Variants in FRMPD4 observed in about 807,000 individuals in gnomAD.
FRMPD4 encodes FERM and PDZ domain-containing protein 4.
In FRMPD4, 22 loss-of-function variants were observed where a neutral mutation model predicts 94.1. The ratio of observed to expected loss-of-function variants is 0.23; its 90% confidence interval spans 0.17 to 0.33. FRMPD4 has a LOEUF of 0.33. FRMPD4 is among the 10% of genes least tolerant of loss of function. FRMPD4 has a pLI of 1.00. For missense variants in FRMPD4, 1,111 were observed against 1,339.9 expected, an observed-to-expected ratio of 0.83 and a Z score of 2.67; for synonymous variants, 631 against 548.6, an observed-to-expected ratio of 1.15 and a Z score of -2.10.
At chrX:12,046,270 A>T (rs1205628551) in intron 3 of FRMPD4, among the ~76,000 whole-genome samples, 1 of 111,279 alleles carries the variant, frequency 9.0e-6, no homozygotes, top group Non-Finnish European at 1.9e-5. Flanking sequence ...TAAAGTTCGA[A>T]ATCAGTAACA....
intron 3 of FRMPD4, among the ~76,000 whole-genome samples, chrX:11,945,591 C>T (rs970273781): frequency 9.0e-6 from 1 of 111,724 alleles, no homozygotes; most frequent in Admixed American, 9.5e-5. Flanking sequence ...ATGGCACCAA[C>T]ATCTGTTCAG....
In FRMPD4 at chrX:12,216,825, C is replaced by G. The variant is rs549846920; in HGVS notation, c.41+77813C>G. On this transcript the variant is annotated intron_variant, in intron 1 of 16. Coordinates refer to ENST00000675598, the MANE Select transcript of FRMPD4 (RefSeq NM_001368397.1). ...TGAGGATTACTCCCAGCCTGAAGCT[C>G]TGTTCCTTAGGTGTGTCTTATTGTA... is the stretch of plus-strand genomic sequence containing the variant. Among the ~76,000 whole-genome samples the G allele has an allele frequency of 8.9e-5, 10 of 112,220 alleles. No homozygotes were observed. The South Asian group carries it at 3.0e-3, about 33-fold the overall frequency.
intron 1 of FRMPD4, among the ~76,000 whole-genome samples, chrX:12,464,668 G>C (rs1334206637): frequency 2.7e-5 from 3 of 111,922 alleles, no homozygotes; most frequent in Non-Finnish European, 5.6e-5. Context: ...ATACATGACG[G>C]CAAGGGCAAG....
At chrX:12,272,771 A>C (rs999144350) in intron 1 of FRMPD4, among the ~76,000 whole-genome samples, 6 of 112,022 alleles carry the variant, frequency 5.4e-5, no homozygotes, top group Admixed American at 4.7e-4. Context: ...ATGAAACAAA[A>C]GCTTAATGAA....
chrX:11,876,089 T>A, intron 2 of FRMPD4, among the ~76,000 whole-genome samples: 1 of 108,628 alleles, frequency 9.2e-6, no homozygotes, highest in Non-Finnish European at 1.9e-5. Flanking sequence ...TTAGCCAGGA[T>A]GGTCTCGTTC....
intron 7 of FRMPD4, among the ~76,000 whole-genome samples, chrX:12,687,194 A>G (rs978650803): frequency 1.1e-4 from 12 of 112,334 alleles, no homozygotes; most frequent in Admixed American, 1.0e-3. Flanking sequence ...TTGAATTGCT[A>G]TAAGTATGTA....
intron 1 of FRMPD4, among the ~76,000 whole-genome samples, chrX:12,412,143 T>C (rs1265762766): frequency 8.9e-6 from 1 of 112,409 alleles, no homozygotes; most frequent in Non-Finnish European, 1.9e-5. Context: ...TTATGTGTGA[T>C]TCAAAAGTAA....
At chrX:12,538,214 C>T (rs139161226) in intron 2 of FRMPD4, among the ~76,000 whole-genome samples, 2,138 of 111,304 alleles carry the variant, frequency 0.019, 25 homozygotes, top group Non-Finnish European at 0.03. Flanking sequence ...CCCATGCCCA[C>T]GGAGCTTCAC....
chrX:12,722,842 A>G lies in FRMPD4; in HGVS notation c.*984A>G, dbSNP rs1224361453. On this transcript the variant is annotated 3_prime_UTR_variant, in exon 17 of 17. Coordinates refer to ENST00000675598, the MANE Select transcript of FRMPD4 (RefSeq NM_001368397.1). Reference sequence around the variant, plus strand: ...TTTAATGATCATCAAAATTAAGTACAGATTCAGTAATGTAGACCAGACCAC... The same window carrying G: ...TTTAATGATCATCAAAATTAAGTACGGATTCAGTAATGTAGACCAGACCAC... 1 of 111,783 alleles carries G rather than the reference A, an allele frequency of 8.9e-6. No individual in the cohort carries two copies. The highest frequency in any genetic ancestry group is 1.9e-5 in the Non-Finnish European group (1 of 53,227). The allele number at this position is 111,783 out of a possible 1,213,427, so 9.2% of individuals were successfully genotyped here.
chrX:12,387,023 T>C (rs1196413022), intron 1 of FRMPD4, among the ~76,000 whole-genome samples: 1 of 112,182 alleles, frequency 8.9e-6, no homozygotes, highest in Non-Finnish European at 1.9e-5. Flanking sequence ...AGAGAAGCTT[T>C]TTTAAATTTT....
intron 2 of FRMPD4, among the ~76,000 whole-genome samples, chrX:12,561,011 CG>C (rs2058654349): frequency 1.8e-5 from 2 of 108,133 alleles, no homozygotes; most frequent in South Asian, 8.2e-4. Context: ...CCTCGTGATC[CG>C]CCCGCCTCGG....
intron 3 of FRMPD4, among the ~76,000 whole-genome samples, chrX:11,908,118 TCAAA>T (rs770837383): frequency 8.9e-6 from 1 of 112,117 alleles, no homozygotes; most frequent in Non-Finnish European, 1.9e-5. Context: ...GAAACTGTGC[TCAAA>T]CAATTTATGC....
chrX:12,324,974 A>G (rs1170208588), intron 1 of FRMPD4, among the ~76,000 whole-genome samples: 1 of 112,276 alleles, frequency 8.9e-6, no homozygotes, highest in African/African-American at 3.2e-5. Flanking sequence ...TGTCAAAGCT[A>G]TAAACTCTTA....
At chrX:12,167,588 GC>G (rs2056142942) in intron 1 of FRMPD4, among the ~76,000 whole-genome samples, 1 of 111,502 alleles carries the variant, frequency 9.0e-6, no homozygotes, top group Admixed American at 9.5e-5. Flanking sequence ...TTTTCCTCAG[GC>G]TTTTAATGAC....
At chrX:12,418,350 C>CTTTTTTTTTTTTTTTTTTTTTTTTT (rs540740432) in intron 1 of FRMPD4, among the ~76,000 whole-genome samples, 1 of 81,077 alleles carries the variant, frequency 1.2e-5, no homozygotes. Flanking sequence ...GTGTTTCTTT[C>CTTTTTTTTTTTTTTTTTTTTTTTTT]TTTTTTTTTT....
intron 4 of FRMPD4, among the ~76,000 whole-genome samples, chrX:12,632,396 T>G (rs992924907): frequency 8.9e-6 from 1 of 111,842 alleles, no homozygotes; most frequent in African/African-American, 3.3e-5. Flanking sequence ...TGTGACCCCA[T>G]CCACTAATCC....
intron 16 of FRMPD4, 70 bp from the exon 17 acceptor site, chrX:12,720,464 G>A (rs1186672336): frequency 6.6e-6 from 7 of 1,053,036 alleles, no homozygotes; most frequent in Admixed American, 4.4e-5. Context: ...ATCATGTAGA[G>A]ATGTAGTAAA....
chrX:11,907,569 T>C (rs1418790777), intron 3 of FRMPD4, among the ~76,000 whole-genome samples: 1 of 111,798 alleles, frequency 8.9e-6, no homozygotes, highest in Non-Finnish European at 1.9e-5. Context: ...TATTTTCTTA[T>C]GCAGTGGAAA....
At position 12,609,790 on chromosome X, in the gene FRMPD4, T is replaced by C; in HGVS notation, c.228T>C (p.Pro76=). 1 of 1,208,390 alleles carries C rather than the reference T, an allele frequency of 8.3e-7. No homozygotes were observed. The highest frequency in any genetic ancestry group is 1.8e-5 in the South Asian group (1 of 56,858). ...GCTGCCAAATCATCCCTCCGGCTCC[T>C]CGGAAGGTGGAGATGAGAAGGGACC... ...LESCQIIPPA[P]RKVEMRRDPV... is the part of the protein sequence containing the mutation. The change falls in exon 3 of 17, where the codon CCT becomes CCC. Residue 76 remains proline (P), a synonymous_variant. Coordinates refer to ENST00000675598, the MANE Select transcript of FRMPD4 (RefSeq NM_001368397.1).
Sources: gnomAD v4.1 joint callset for allele counts (sites outside exome capture counted in the v4.1 genomes callset) on GRCh38, gnomAD v4.1.1 for gene constraint, MANE v1.5 for transcripts, NCBI Gene and HGNC (gene_info 2026-07-23, HGNC 2026-07-21) for gene names.